The following ARHGEF11 variants were observed in gnomAD, a reference collection of about 807,000 sequenced individuals.
ARHGEF11 encodes the protein Rho guanine nucleotide exchange factor 11.
Under a neutral mutation model 193.7 loss-of-function variants are expected in ARHGEF11, and 55 were observed. The ratio of observed to expected loss-of-function variants is 0.28; its 90% CI spans 0.23 to 0.36. ARHGEF11 has a LOEUF of 0.36. Among genes scored for constraint, ARHGEF11 ranks in the 10% least tolerant of loss-of-function variants. The probability of loss-of-function intolerance (pLI) is 1.00; values close to 1 mark genes in which losing one functional copy is unlikely to be tolerated. For synonymous variants in ARHGEF11, 693 were observed against 768.0 expected, an observed-to-expected ratio of 0.90 and a Z score of 1.62; for missense variants, 1,723 against 2,005.6, an observed-to-expected ratio of 0.86 and a Z score of 2.69.
In ARHGEF11 at chr1:156,955,730, C is replaced by G; in HGVS notation, c.1741G>C (p.Gly581Arg). ...KKRNPILKYI[G>R]KPKSSSQSTF... ...CTTTGAGAAGAGCTTTTGGGCTTCC[C>G]AATGTATTTGAGGATAGGGTTTCGC... The change falls in exon 20 of 41, where the codon GGG (glycine) becomes CGG (arginine). Residue 581 changes from glycine to arginine, a missense_variant. Physicochemically the swap from Gly to Arg is moderately radical, Grantham distance 125. Around this residue, in one of 5 missense-constraint regions of ARHGEF11, gnomAD observed 491 missense variants for 654.5 expected, o/e 0.75. Coordinates refer to ENST00000368194, the MANE Select transcript of ARHGEF11 (RefSeq NM_198236.3). The G allele has an allele frequency of 6.2e-7, 1 of 1,614,140 alleles. No individual in the cohort carries two copies. Among genetic ancestry groups the G allele is most frequent in the South Asian group, 1.1e-5 (1 of 91,076 alleles).
intron 11 of ARHGEF11, among the ~76,000 whole-genome samples, chr1:156,966,215 T>C (rs1557873153): frequency 6.6e-6 from 1 of 152,192 alleles, no homozygotes; most frequent in Non-Finnish European, 1.5e-5. Context: ...CAAATTACTT[T>C]AGAGACCCCA....
At chr1:156,996,772 CAAA>C (rs66730438) in intron 1 of ARHGEF11, among the ~76,000 whole-genome samples, 1,982 of 38,410 alleles carry the variant, frequency 0.052, 40 homozygotes, top group African/African-American at 0.15. Flanking sequence ...GACTCTGTCT[CAAA>C]AAAAAAAAAA....
At chr1:157,028,036 C>A (rs898091454) in intron 1 of ARHGEF11, among the ~76,000 whole-genome samples, 12 of 152,182 alleles carry the variant, frequency 7.9e-5, no homozygotes, top group African/African-American at 2.7e-4. Context: ...CCAGCCCTAT[C>A]CCTATATGAC....
At chr1:157,005,964 T>G (rs930743123) in intron 1 of ARHGEF11, among the ~76,000 whole-genome samples, 1 of 152,228 alleles carries the variant, frequency 6.6e-6, no homozygotes, top group African/African-American at 2.4e-5. Flanking sequence ...AATTTTGCAT[T>G]CTCCTCTGCT....
chr1:156,942,554 T>C, intron 33 of ARHGEF11, 136 bp downstream of exon 33: 1 of 728,128 alleles, frequency 1.4e-6, no homozygotes. Flanking sequence ...CTGTCCTACC[T>C]CCCACTTCCT....
chr1:156,937,139 G>A (rs760073695), intron 39 of ARHGEF11, 110 bp downstream of exon 39: 7 of 1,574,170 alleles, frequency 4.4e-6, no homozygotes, highest in Non-Finnish European at 5.2e-6. Context: ...AAGATCCCTG[G>A]GCCAGGACAG....
chr1:156,944,322 C>T (rs1657682903), intron 31 of ARHGEF11, 36 bp downstream of exon 31: 1 of 1,607,536 alleles, frequency 6.2e-7, no homozygotes, highest in Admixed American at 1.7e-5. Flanking sequence ...CCACCCACTA[C>T]AGGTTCCTGC....
At chr1:156,942,648 A>G in intron 33 of ARHGEF11, 42 bp downstream of exon 33, 1 of 1,575,940 alleles carries the variant, frequency 6.3e-7, no homozygotes, top group Non-Finnish European at 8.7e-7. Context: ...CCCTGGTCCG[A>G]AAGGGACCAC....
chr1:156,958,610 A>G, intron 17 of ARHGEF11, 132 bp downstream of exon 17: 1 of 1,312,450 alleles, frequency 7.6e-7, no homozygotes. Flanking sequence ...GGAGTGCAGG[A>G]CTCCCCATCT....
intron 7 of ARHGEF11, among the ~76,000 whole-genome samples, chr1:156,976,719 ACT>A (rs1021142392): frequency 2.2e-4 from 34 of 151,786 alleles, no homozygotes; most frequent in African/African-American, 8.2e-4. Flanking sequence ...TCCCAGATAA[ACT>A]CTGTTGACTT....
At chr1:156,938,701 C>G in intron 37 of ARHGEF11, 188 bp from the exon 38 acceptor site, 1 of 517,664 alleles carries the variant, frequency 1.9e-6, no homozygotes. Context: ...CACCAATTCA[C>G]CGAGAGACAG....
chr1:157,021,737 T>C (rs1670012832), intron 1 of ARHGEF11, among the ~76,000 whole-genome samples: 2 of 152,224 alleles, frequency 1.3e-5, no homozygotes, highest in South Asian at 4.1e-4. Flanking sequence ...TTTCTTCATA[T>C]GGACCCTAAT....
intron 27 of ARHGEF11, 30 bp from the exon 28 acceptor site, chr1:156,946,817 G>A: frequency 6.2e-7 from 1 of 1,613,040 alleles, no homozygotes; most frequent in Non-Finnish European, 8.5e-7. Flanking sequence ...ACGGGGCCAG[G>A]CATCAAACCC....
chr1:156,956,654 G>A, intron 18 of ARHGEF11, 90 bp from the exon 19 acceptor site: 1 of 1,542,576 alleles, frequency 6.5e-7, no homozygotes, highest in Non-Finnish European at 8.8e-7. Context: ...AGTGGAGTGG[G>A]GAAGGGGTAG....
chr1:157,017,966 G>A (rs547146954), intron 1 of ARHGEF11, among the ~76,000 whole-genome samples: 299 of 152,106 alleles, frequency 2.0e-3, no homozygotes, highest in Non-Finnish European at 3.8e-3. Context: ...TAACAAAAAA[G>A]CTATGAGAGA....
intron 11 of ARHGEF11, among the ~76,000 whole-genome samples, chr1:156,965,528 G>A (rs1285129975): frequency 6.6e-6 from 1 of 152,166 alleles, no homozygotes; most frequent in Non-Finnish European, 1.5e-5. Flanking sequence ...GTAAAGATCT[G>A]GCACAGCAGC....
intron 7 of ARHGEF11, among the ~76,000 whole-genome samples, chr1:156,975,489 C>A (rs1447377736): frequency 6.6e-6 from 1 of 152,152 alleles, no homozygotes; most frequent in Non-Finnish European, 1.5e-5. Context: ...TATTTTTCCC[C>A]ATTTCTTCTA....
intron 1 of ARHGEF11, among the ~76,000 whole-genome samples, chr1:157,036,737 A>G (rs1335704829): frequency 6.6e-6 from 1 of 152,232 alleles, no homozygotes; most frequent in Non-Finnish European, 1.5e-5. Context: ...ATTGCTAGGT[A>G]TCAATGGCAG....
At position 156,936,497 on chromosome 1, in the gene ARHGEF11, A is replaced by AAAAAAAAAT. The variant is rs370282821; in HGVS notation, c.4630+318_4630+319insATTTTTTTT. On this transcript the variant is annotated intron_variant, in intron 40 of 40. Transcript: ENST00000368194. ...AATAAATAGAAAAAAAAAAAAAAAA[A>AAAAAAAAAT]ATATATATATATATATATATATATA... Among the ~76,000 whole-genome samples the AAAAAAAAAT allele has an allele frequency of 2.4e-3, 82 of 33,912 alleles. 1 individual carries two copies. The highest frequency in any genetic ancestry group is 4.4e-3 in the East Asian group (2 of 452). The allele number at this position is 33,912 out of a possible 152,430, so 22.2% of individuals were successfully genotyped here.
Sources: gnomAD v4.1 joint callset for allele counts (sites outside exome capture counted in the v4.1 genomes callset) on GRCh38, gnomAD v4.1.1 for gene constraint, gnomAD v4.1.1 regional missense constraint, MANE v1.5 for transcripts, NCBI Gene and HGNC (gene_info 2026-07-23, HGNC 2026-07-21) for gene names.